The following ANKRD17 variants were observed in gnomAD, a reference collection of about 807,000 sequenced individuals.
ANKRD17 encodes ankyrin repeat domain-containing protein 17.
ANKRD17 carries 19 observed loss-of-function variants against 229.7 expected under a neutral mutation model. That is an observed-to-expected ratio of 0.08 (90% CI 0.06 to 0.12). The LOEUF (loss-of-function observed/expected upper bound fraction) is 0.12. Ranked by LOEUF, ANKRD17 falls within the 10% of genes least tolerant of loss-of-function variation. ANKRD17 has a pLI of 1.00. For synonymous variants in ANKRD17, 1,112 were observed against 1,146.1 expected, an observed-to-expected ratio of 0.97 and a Z score of 0.60; for missense variants, 2,176 against 3,176.8, an observed-to-expected ratio of 0.68 and a Z score of 7.57.
intron 7 of ANKRD17, 50 bp from the exon 8 acceptor site, chr4:73,149,100 T>C (rs760353958): frequency 1.4e-6 from 2 of 1,474,904 alleles, no homozygotes; most frequent in South Asian, 1.2e-5. Context: ...TAAAAAAATC[T>C]TGAAAAATTT....
chr4:73,180,589 C>A (rs1019268386), intron 1 of ANKRD17, among the ~76,000 whole-genome samples: 1 of 152,072 alleles, frequency 6.6e-6, no homozygotes, highest in Non-Finnish European at 1.5e-5. Context: ...TCACTATATG[C>A]AAAACTTGGT....
chr4:73,096,165 A>G (rs545504580), intron 27 of ANKRD17, among the ~76,000 whole-genome samples: 1 of 152,370 alleles, frequency 6.6e-6, no homozygotes, highest in South Asian at 2.1e-4. Context: ...CCTGTTCTCT[A>G]TATATACAAC....
chr4:73,179,124 C>A (rs1034377382), intron 1 of ANKRD17, among the ~76,000 whole-genome samples: 5 of 151,898 alleles, frequency 3.3e-5, no homozygotes, highest in African/African-American at 9.7e-5. Flanking sequence ...ACCAGGAATA[C>A]TGCTATAATT....
chr4:73,082,767 G>A (rs1205209596), intron 30 of ANKRD17, among the ~76,000 whole-genome samples: 1 of 152,156 alleles, frequency 6.6e-6, no homozygotes, highest in African/African-American at 2.4e-5. Context: ...AACAGTTCTA[G>A]ATTATTTGAG....
intron 1 of ANKRD17, among the ~76,000 whole-genome samples, chr4:73,231,812 CG>C (rs1743075159): frequency 6.6e-6 from 1 of 152,116 alleles, no homozygotes; most frequent in Non-Finnish European, 1.5e-5. Context: ...AAAGTGAAAT[CG>C]ATCCCCAACG....
intron 1 of ANKRD17, among the ~76,000 whole-genome samples, chr4:73,205,249 C>T (rs1474253306): frequency 1.3e-5 from 2 of 152,068 alleles, no homozygotes; most frequent in Non-Finnish European, 2.9e-5. Context: ...ATCGCTTGTG[C>T]CCAGGCTACA....
At chr4:73,238,921 G>A (rs143937629) in intron 1 of ANKRD17, among the ~76,000 whole-genome samples, 303 of 152,136 alleles carry the variant, frequency 2.0e-3, no homozygotes, top group African/African-American at 7.0e-3. Context: ...CAACTACAAA[G>A]TGTAGATACT....
At position 73,102,526 on chromosome 4, in the gene ANKRD17, G is replaced by A; in HGVS notation, c.4423C>T (p.Leu1475=). Reference sequence around the variant, plus strand: ...TTTTCTCTTTTCGCAGCCAAAGCCAGCCTCCGACTTTCTTCCCTTAACTGT... The same window carrying A: ...TTTTCTCTTTTCGCAGCCAAAGCCAACCTCCGACTTTCTTCCCTTAACTGT... ...LEKLREESRR[L]ALAAKREKRK... is the part of the protein sequence containing the mutation. Residue 1475 remains leucine, a synonymous_variant, in exon 25 of 34, where the codon CTG becomes TTG. Transcript: ENST00000358602. 1 of 1,599,178 alleles carries A rather than the reference G, an allele frequency of 6.3e-7. No individual in the cohort carries two copies. The highest frequency in any genetic ancestry group is 8.5e-7 in the Non-Finnish European group (1 of 1,177,078).
At chr4:73,254,797 T>C (rs1204290999) in intron 1 of ANKRD17, among the ~76,000 whole-genome samples, 1 of 151,650 alleles carries the variant, frequency 6.6e-6, no homozygotes, top group African/African-American at 2.4e-5. Flanking sequence ...GAAAAAATAC[T>C]AAGATCATTC....
chr4:73,206,422 AAGTGAG>A (rs763445630), intron 1 of ANKRD17, among the ~76,000 whole-genome samples: 13,393 of 144,674 alleles, frequency 0.093, 701 homozygotes, highest in South Asian at 0.16. Context: ...GAGAGAAAGA[AAGTGAG>A]AGAGAGAGAG....
Position 73,102,442 on chromosome 4 carries a change from C to T in ANKRD17, c.4507G>A (p.Glu1503Lys). The T allele has an allele frequency of 6.2e-7, 1 of 1,606,238 alleles. No homozygotes were observed. Among genetic ancestry groups the T allele is most frequent in the East Asian group, 2.2e-5 (1 of 44,790 alleles). ...TCAAAGTTCTCTTTATTTTTGGCTT[C>T]AATTTCTTCTAGTTTCCTTCTTTGT... ...EEQRRKLEEI[E>K]AKNKENFELQ... The change falls in exon 25 of 34, where the codon GAA becomes AAA. Residue 1503 changes from glutamate (E) to lysine (K), a missense_variant. Glu to Lys is a moderately conservative substitution (Grantham distance 56). Transcript: ENST00000358602.
intron 1 of ANKRD17, among the ~76,000 whole-genome samples, chr4:73,203,876 A>G (rs1486580608): frequency 1.3e-5 from 2 of 152,148 alleles, no homozygotes; most frequent in Non-Finnish European, 2.9e-5. Flanking sequence ...AAACACGAAG[A>G]AAAGTGCACC....
Position 73,097,160 on chromosome 4 carries a change from G to A in ANKRD17, c.5134C>T (p.Arg1712Cys), listed in dbSNP as rs1403754613. ...CATCCTTCTTCCCTCTTTTGCCCAC[G>A]CTTAGGACTTGCTACTGTTAACTTC... ...NGKLTVASPK[R>C]GQKREEGWKE... is the part of the protein sequence containing the mutation. Residue 1712 changes from arginine to cysteine, a missense_variant, in exon 27 of 34, where the codon CGT (arginine) becomes TGT (cysteine). Coordinates refer to ENST00000358602, the MANE Select transcript of ANKRD17 (RefSeq NM_032217.5). The A allele has an allele frequency of 5.6e-6, 9 of 1,611,236 alleles. No individual in the cohort carries two copies. The highest frequency in any genetic ancestry group is 2.2e-5 in the South Asian group (2 of 90,462).
At chr4:73,191,363 G>GTGTGTT (rs1310355033) in intron 1 of ANKRD17, among the ~76,000 whole-genome samples, 13 of 150,654 alleles carry the variant, frequency 8.6e-5, no homozygotes, top group Middle Eastern at 3.2e-3. Context: ...GTGTGTGTGT[G>GTGTGTT]TGTGTGTGTG....
intron 24 of ANKRD17, among the ~76,000 whole-genome samples, chr4:73,105,391 G>A (rs1724494752): frequency 6.6e-6 from 1 of 151,178 alleles, no homozygotes; most frequent in Non-Finnish European, 1.5e-5. Context: ...TATATAAAGA[G>A]AGTTTATGTA....
In ANKRD17 at chr4:73,090,855, A is replaced by T. The variant is rs765089587; in HGVS notation, c.6773T>A (p.Phe2258Tyr). ...ATGAGCAGAAGTAGGGCTGTTTTCA[A>T]ACAATGTGCTAAAGGGCCCAAATGG... is the stretch of plus-strand genomic sequence containing the variant. ...PLPFGPFSTL[F>Y]ENSPTSAHAF... is the part of the protein sequence containing the mutation. Residue 2258 changes from phenylalanine to tyrosine, a missense_variant, in exon 29 of 34, where the codon TTT becomes TAT. Physicochemically the swap from Phe to Tyr is conservative, Grantham distance 22 (BLOSUM62 3). Coordinates refer to ENST00000358602, the MANE Select transcript of ANKRD17 (RefSeq NM_032217.5). 7.1e-5 allele frequency: 115 copies of T among 1,614,130 alleles called. No homozygotes were observed. Among genetic ancestry groups the T allele is most frequent in the Non-Finnish European group, 9.3e-5 (110 of 1,180,056 alleles).
intron 1 of ANKRD17, among the ~76,000 whole-genome samples, chr4:73,187,710 TTG>T (rs1265835235): frequency 1.3e-5 from 2 of 152,354 alleles, no homozygotes; most frequent in East Asian, 3.9e-4. Context: ...CTTGCTTTGT[TTG>T]TGTGTTTTGT....
At chr4:73,174,810 A>G (rs1379041010) in intron 2 of ANKRD17, among the ~76,000 whole-genome samples, 1 of 152,216 alleles carries the variant, frequency 6.6e-6, no homozygotes, top group Non-Finnish European at 1.5e-5. Context: ...CAAGAAACTA[A>G]TGCCATTTAC....
chr4:73,132,142 G>A, intron 16 of ANKRD17, among the ~76,000 whole-genome samples: 1 of 145,424 alleles, frequency 6.9e-6, no homozygotes, highest in East Asian at 2.0e-4. Flanking sequence ...GTTTCACTCT[G>A]TCGCCCAGGC....
Sources: allele counts gnomAD v4.1 joint callset (sites outside exome capture counted in the v4.1 genomes callset), GRCh38; gene constraint gnomAD v4.1.1; transcripts MANE v1.5; gene names NCBI Gene and HGNC (gene_info 2026-07-23, HGNC 2026-07-21).